The following ZEB2 variants were observed in gnomAD, a reference collection of about 807,000 sequenced individuals.
ZEB2 encodes the protein zinc finger E-box binding homeobox 2.
A neutral mutation model predicts 99.9 loss-of-function variants in ZEB2; 6 were observed. The ratio of observed to expected loss-of-function variants is 0.06; its 90% CI spans 0.03 to 0.12. The LOEUF (loss-of-function observed/expected upper bound fraction) is 0.12, where lower values mean the gene tolerates loss of function less well. ZEB2 is among the 10% of genes least tolerant of loss of function. The pLI is 1.00. For missense variants in ZEB2, 969 were observed against 1,502.8 expected, an observed-to-expected ratio of 0.64 and a Z score of 5.87; for synonymous variants, 517 against 542.5, an observed-to-expected ratio of 0.95 and a Z score of 0.65.
At chr2:144,430,090 T>C (rs1323420713) in intron 2 of ZEB2, 64 bp from the exon 3 acceptor site, 13 of 1,598,194 alleles carry the variant, frequency 8.1e-6, no homozygotes, top group South Asian at 2.2e-5. Flanking sequence ...CCACCCCTAA[T>C]TGTTTAGTTA....
chr2:144,483,540 C>T (rs578200175), intron 2 of ZEB2, among the ~76,000 whole-genome samples: 13 of 152,198 alleles, frequency 8.5e-5, no homozygotes, highest in African/African-American at 3.1e-4. Context: ...TCAAACAGTT[C>T]CCAGGCCAAT....
At chr2:144,511,616 G>T in intron 2 of ZEB2, 1 of 1,286,498 alleles carries the variant, frequency 7.8e-7, no homozygotes, top group Middle Eastern at 3.3e-4. Flanking sequence ...AGCCCAAATA[G>T]TCATTCAATA....
chr2:144,517,129 T>TCCGGCGCCGGCCG, intron 2 of ZEB2, 149 bp downstream of exon 2: 1 of 792,394 alleles, frequency 1.3e-6, no homozygotes, highest in Non-Finnish European at 1.7e-6. Context: ...CGCGCCGGGC[T>TCCGGCGCCGGCCG]CCGGCGCCGG....
intron 2 of ZEB2, among the ~76,000 whole-genome samples, chr2:144,469,907 C>T (rs975449053): frequency 2.0e-5 from 3 of 152,144 alleles, no homozygotes; most frequent in African/African-American, 4.8e-5. Context: ...GGAAATGAAG[C>T]TCTAAGAAGC....
chr2:144,490,301 T>C (rs1009629614), intron 2 of ZEB2, among the ~76,000 whole-genome samples: 1 of 152,200 alleles, frequency 6.6e-6, no homozygotes, highest in East Asian at 1.9e-4. Flanking sequence ...AGATAATGTA[T>C]ACAAATGCCT....
In ZEB2 at chr2:144,404,139, G is replaced by C. The variant is rs372216323; in HGVS notation, c.593-9C>G. 4 of 1,613,496 alleles carry C rather than the reference G, an allele frequency of 2.5e-6. No individual in the cohort carries two copies. The highest frequency in any genetic ancestry group is 2.7e-5 in the African/African-American group (2 of 74,890). Reference sequence around the variant, plus strand: ...AGTTCCAGGTGGCAGGTCTGTAGCCGAGAGACAGAGAGAGAGAGAAGCGGG... The same window carrying C: ...AGTTCCAGGTGGCAGGTCTGTAGCCCAGAGACAGAGAGAGAGAGAAGCGGG... On this transcript the variant is annotated splice_polypyrimidine_tract_variant and intron_variant, in intron 5 of 9. Transcript: ENST00000627532.
At chr2:144,447,464 TTTA>T (rs1190819905) in intron 2 of ZEB2, among the ~76,000 whole-genome samples, 14 of 152,216 alleles carry the variant, frequency 9.2e-5, no homozygotes, top group Admixed American at 6.5e-5. Context: ...CTCTTTATTA[TTTA>T]TTATTATCCC....
At chr2:144,414,588 A>C (rs1409370890) in intron 4 of ZEB2, among the ~76,000 whole-genome samples, 1 of 152,146 alleles carries the variant, frequency 6.6e-6, no homozygotes, top group Non-Finnish European at 1.5e-5. Context: ...GTGGAGTTCA[A>C]AATTTCTAGC....
intron 2 of ZEB2, among the ~76,000 whole-genome samples, chr2:144,434,404 A>C (rs752030846): frequency 2.0e-5 from 3 of 152,194 alleles, no homozygotes; most frequent in Non-Finnish European, 4.4e-5. Context: ...TTCCAGAAGG[A>C]CACTTGAAGT....
rs1023411835 is a variant in ZEB2, at chr2:144,387,727, G to C, written c.*1724C>G. 6.6e-6 allele frequency: 1 copy of C among 151,900 alleles called. No individual in the cohort carries two copies. The highest frequency in any genetic ancestry group is 2.4e-5 in the African/African-American group (1 of 41,358). The allele number at this position is 151,900 out of a possible 1,614,324, so 9.4% of individuals were successfully genotyped here. On this transcript the variant is annotated 3_prime_UTR_variant, in exon 10 of 10. Transcript: ENST00000627532. ...TTTAACACATAATCTCTAAATACTCGTAATGCAAAAGTAGAAATGTCTGTA... is the reference window on the plus strand; with the variant it reads ...TTTAACACATAATCTCTAAATACTCCTAATGCAAAAGTAGAAATGTCTGTA...
At chr2:144,476,932 A>T (rs796313438) in intron 2 of ZEB2, among the ~76,000 whole-genome samples, 7 of 152,350 alleles carry the variant, frequency 4.6e-5, no homozygotes, top group African/African-American at 1.7e-4. Context: ...CAACTTTCAA[A>T]CTTAATCTAT....
At chr2:144,402,948 A>C (rs965148740) in intron 6 of ZEB2, among the ~76,000 whole-genome samples, 2 of 152,240 alleles carry the variant, frequency 1.3e-5, no homozygotes, top group African/African-American at 4.8e-5. Flanking sequence ...CCTTATTCGA[A>C]GAAAATGAAG....
chr2:144,399,806 G>T lies in ZEB2; in HGVS notation c.1381C>A (p.Gln461Lys). Reference sequence around the variant, plus strand: ...TTGTCCACAATCTGTAGAACCTTTTGTACCTCACTTAAATTACTATTCATG... The same window carrying T: ...TTGTCCACAATCTGTAGAACCTTTTTTACCTCACTTAAATTACTATTCATG... ...PTMNSNLSEV[Q>K]KVLQIVDNTV... Residue 461 changes from glutamine to lysine, a missense_variant, in exon 8 of 10, where the codon CAA becomes AAA. Physicochemically the swap from Gln to Lys is moderately conservative, Grantham distance 53. Transcript: ENST00000627532. This position sits in a 1 kb window ranked among gnomAD's most constrained non-coding sequence, Gnocchi z 5.6. The T allele has an allele frequency of 6.2e-7, 1 of 1,614,128 alleles. No individual in the cohort carries two copies.
chr2:144,400,926 GT>G (rs1703301607), intron 7 of ZEB2, among the ~76,000 whole-genome samples: 1 of 152,150 alleles, frequency 6.6e-6, no homozygotes, highest in Non-Finnish European at 1.5e-5. Context: ...TGGAGAAGCG[GT>G]TTTAAAAGGA....
chr2:144,513,599 T>C, intron 2 of ZEB2: 1 of 1,530,234 alleles, frequency 6.5e-7, no homozygotes, highest in African/African-American at 1.4e-5. Flanking sequence ...CAGAGGCTGA[T>C]GCTGGAAGGT....
At chr2:144,498,197 C>T (rs1483021277) in intron 2 of ZEB2, among the ~76,000 whole-genome samples, 2 of 126,274 alleles carry the variant, frequency 1.6e-5, no homozygotes, top group Non-Finnish European at 3.2e-5. Context: ...TCCACATTGC[C>T]CTGCTAAGCT....
intron 2 of ZEB2, among the ~76,000 whole-genome samples, chr2:144,486,902 A>G (rs1704604941): frequency 6.6e-6 from 1 of 152,180 alleles, no homozygotes; most frequent in Admixed American, 6.5e-5. Flanking sequence ...ATTGGTCTAC[A>G]TATTTCTGAT....
intron 2 of ZEB2, among the ~76,000 whole-genome samples, chr2:144,435,255 A>G (rs1703822107): frequency 6.6e-6 from 1 of 152,164 alleles, no homozygotes; most frequent in African/African-American, 2.4e-5. Flanking sequence ...TAGACGTGAC[A>G]CAGACATGTA....
rs1354236085 is a variant in ZEB2 at position 144,398,318 on chromosome 2, G to A, written c.2869C>T (p.Arg957Trp). ...ADMQQRRKYQ[R>W]KQGFQGELLD... ...CTCTTTACCTGAAATCCTTGTTTCC[G>A]CTGGTACTTTCTCCTTTGCTGCATA... is the stretch of plus-strand genomic sequence containing the variant. The change falls in exon 8 of 10, where the codon CGG (arginine) becomes TGG (tryptophan). Residue 957 changes from arginine (R) to tryptophan (W), a missense_variant. Arg to Trp is a moderately radical substitution (Grantham distance 101, BLOSUM62 -3). Around this residue, in one of 8 missense-constraint regions of ZEB2, gnomAD observed 346 missense variants for 460.0 expected, o/e 0.75. Transcript: ENST00000627532. 1.2e-6 allele frequency: 2 copies of A among 1,613,516 alleles called. No individual in the cohort carries two copies. Among genetic ancestry groups the A allele is most frequent in the East Asian group, 2.2e-5 (1 of 44,864 alleles).
Sources: gnomAD v4.1 joint callset for allele counts (sites outside exome capture counted in the v4.1 genomes callset) on GRCh38, gnomAD v4.1.1 for gene constraint, gnomAD v4.1.1 regional missense constraint, Gnocchi (gnomAD v3.1) non-coding constraint, MANE v1.5 for transcripts, NCBI Gene and HGNC (gene_info 2026-07-23, HGNC 2026-07-21) for gene names.